The following HMGCLL1 variants were observed in gnomAD, a reference collection of about 807,000 sequenced individuals.
The protein encoded by HMGCLL1 is 3-hydroxymethyl-3-methylglutaryl-CoA lyase, cytoplasmic.
In HMGCLL1, 36 loss-of-function variants were observed where a neutral mutation model predicts 39.1. The ratio of observed to expected loss-of-function variants is 0.92; its 90% confidence interval spans 0.71 to 1.22. HMGCLL1 has a LOEUF of 1.22. Among genes scored for constraint, HMGCLL1 ranks in the 50% most tolerant of loss-of-function variants. The pLI, the probability that HMGCLL1 is intolerant of heterozygous loss-of-function variation, is 0.00. For missense variants in HMGCLL1, 451 were observed against 416.5 expected, an observed-to-expected ratio of 1.08 and a Z score of -0.72; for synonymous variants, 149 against 144.0, an observed-to-expected ratio of 1.03 and a Z score of -0.25.
the HMGCLL1 span, among the ~76,000 whole-genome samples, chr6:55,672,652 C>T: frequency 6.6e-6 from 1 of 151,858 alleles, no homozygotes; most frequent in East Asian, 1.9e-4. Context: ...TGTTACTGAA[C>T]ATTAGCCTTG....
the HMGCLL1 span, among the ~76,000 whole-genome samples, chr6:55,663,404 A>C: frequency 6.6e-6 from 1 of 151,920 alleles, no homozygotes; most frequent in Non-Finnish European, 1.5e-5. Flanking sequence ...CATTAGTTTC[A>C]AAGGCCTTCT....
chr6:55,513,253 G>C (rs1162777299), intron 5 of HMGCLL1: 1 of 152,056 alleles, frequency 6.6e-6, no homozygotes, highest in Non-Finnish European at 1.5e-5. Flanking sequence ...CTAAACTCCT[G>C]AGAGAGAAAA....
chr6:55,468,875 C>T (rs1329808693), intron 7 of HMGCLL1, among the ~76,000 whole-genome samples: 3 of 151,856 alleles, frequency 2.0e-5, no homozygotes, highest in African/African-American at 7.2e-5. Context: ...GCAATAGCTG[C>T]ACTTTATTTC....
chr6:55,631,302 CT>C, the HMGCLL1 span, among the ~76,000 whole-genome samples: 16 of 151,876 alleles, frequency 1.1e-4, 1 homozygote, highest in African/African-American at 3.4e-4. Flanking sequence ...TTTATGAAGA[CT>C]TTTTTTTATA....
intron 7 of HMGCLL1, among the ~76,000 whole-genome samples, chr6:55,482,443 T>G (rs888938277): frequency 6.6e-6 from 1 of 152,146 alleles, no homozygotes; most frequent in African/African-American, 2.4e-5. Flanking sequence ...GTTGGCCCCC[T>G]TACAGCTGAA....
At position 55,435,423 on chromosome 6, in the gene HMGCLL1, T is replaced by A. The variant is rs976854591; in HGVS notation, c.*239A>T. The A allele has an allele frequency of 2.9e-6, 1 of 340,358 alleles. No homozygotes were observed. The highest frequency in any genetic ancestry group is 4.8e-5 in the East Asian group (1 of 20,822). The allele number at this position is 340,358 out of a possible 1,614,324, so 21.1% of individuals were successfully genotyped here. ...TTCTATGAGAGCAAAAGAAACTTTT[T>A]TCCAAGTTCAAAATTATGACAAGTT... On this transcript the variant is annotated 3_prime_UTR_variant, in exon 9 of 9. Coordinates refer to ENST00000274901, the MANE Select transcript of HMGCLL1 (RefSeq NM_001042406.2).
chr6:55,509,374 T>C (rs1767324152), intron 5 of HMGCLL1, among the ~76,000 whole-genome samples: 2 of 151,870 alleles, frequency 1.3e-5, no homozygotes, highest in Admixed American at 1.3e-4. Flanking sequence ...CACAGTGTAC[T>C]TAAAAATGGA....
At chr6:55,624,007 G>A in the HMGCLL1 span, among the ~76,000 whole-genome samples, 27 of 152,160 alleles carry the variant, frequency 1.8e-4, no homozygotes, top group Non-Finnish European at 2.8e-4. Context: ...CCACAATGAC[G>A]TTTTGGATCC....
At chr6:55,458,818 T>C (rs1160639037) in intron 7 of HMGCLL1, among the ~76,000 whole-genome samples, 2 of 152,190 alleles carry the variant, frequency 1.3e-5, no homozygotes, top group Non-Finnish European at 2.9e-5. Flanking sequence ...ACAAAAGACT[T>C]TGCTGTTTGA....
chr6:55,495,844 A>C (rs1023146159), intron 6 of HMGCLL1, among the ~76,000 whole-genome samples: 2 of 152,128 alleles, frequency 1.3e-5, no homozygotes, highest in Non-Finnish European at 2.9e-5. Context: ...CCTTAGAGTC[A>C]TATCTACCTA....
At chr6:55,616,526 T>C in the HMGCLL1 span, among the ~76,000 whole-genome samples, 3 of 152,128 alleles carry the variant, frequency 2.0e-5, no homozygotes, top group Non-Finnish European at 4.4e-5. Flanking sequence ...AAATGGATAC[T>C]GTTTTAAGCT....
At chr6:55,585,710 C>T in the HMGCLL1 span, among the ~76,000 whole-genome samples, 11 of 151,982 alleles carry the variant, frequency 7.2e-5, no homozygotes, top group Non-Finnish European at 1.5e-4. Context: ...TTTAAGAAGA[C>T]GTAGTAACAT....
chr6:55,618,004 G>A, the HMGCLL1 span, among the ~76,000 whole-genome samples: 2 of 151,958 alleles, frequency 1.3e-5, no homozygotes, highest in African/African-American at 4.8e-5. Flanking sequence ...TACACATGAA[G>A]CAAGTTCGAA....
the HMGCLL1 span, among the ~76,000 whole-genome samples, chr6:55,652,560 AG>A: frequency 6.6e-6 from 1 of 152,136 alleles, no homozygotes; most frequent in East Asian, 1.9e-4. Flanking sequence ...GTCTGTGCTG[AG>A]GAACTCCTGA....
intron 7 of HMGCLL1, 56 bp from the exon 8 acceptor site, chr6:55,439,615 G>T: frequency 6.4e-7 from 1 of 1,573,646 alleles, no homozygotes; most frequent in Non-Finnish European, 8.7e-7. Context: ...GTAAATTGTT[G>T]CATTTCTATT....
chr6:55,644,726 C>G, the HMGCLL1 span, among the ~76,000 whole-genome samples: 59 of 151,874 alleles, frequency 3.9e-4, no homozygotes, highest in Non-Finnish European at 7.2e-4. Context: ...GGATTGGTTT[C>G]TGGGTTTTCT....
At chr6:55,585,528 T>G in the HMGCLL1 span, among the ~76,000 whole-genome samples, 220 of 152,250 alleles carry the variant, frequency 1.4e-3, no homozygotes, top group Middle Eastern at 6.8e-3. Context: ...TAAACTGTAT[T>G]ATCTCTTATC....
chr6:55,517,020 C>A (rs1170252625), intron 3 of HMGCLL1, among the ~76,000 whole-genome samples: 1 of 151,952 alleles, frequency 6.6e-6, no homozygotes, highest in Non-Finnish European at 1.5e-5. Context: ...TGAAATTTTA[C>A]AATGTTTAGG....
At chr6:55,596,815 T>A in the HMGCLL1 span, among the ~76,000 whole-genome samples, 1 of 152,194 alleles carries the variant, frequency 6.6e-6, no homozygotes, top group Admixed American at 6.5e-5. Context: ...CATTTAACAA[T>A]CATTTGCCAA....
Sources: allele counts gnomAD v4.1 joint callset (sites outside exome capture counted in the v4.1 genomes callset), GRCh38; gene constraint gnomAD v4.1.1; transcripts MANE v1.5; gene names NCBI Gene and HGNC (gene_info 2026-07-23, HGNC 2026-07-21).